The following NDNF variants were observed in gnomAD, a reference collection of about 807,000 sequenced individuals.
The protein encoded by NDNF is protein NDNF.
In NDNF, 16 loss-of-function variants were observed where a neutral mutation model predicts 42.0. The observed-to-expected ratio is 0.38, with a 90% confidence interval of 0.26 to 0.58. The LOEUF (loss-of-function observed/expected upper bound fraction) is 0.58. Ranked by LOEUF, NDNF falls within the 20% of genes least tolerant of loss-of-function variation. NDNF has a pLI of 0.67. For synonymous variants in NDNF, 248 were observed against 251.7 expected (o/e 0.99, Z 0.14); for missense variants, 616 against 666.2 (o/e 0.92, Z 0.83).
chr4:121,043,371 C>T (rs1213624956), intron 2 of NDNF, among the ~76,000 whole-genome samples: 5 of 152,112 alleles, frequency 3.3e-5, no homozygotes, highest in African/African-American at 1.2e-4. Flanking sequence ...TGTTTGTGTG[C>T]TTATCATTAC....
chr4:121,066,895 T>C (rs1235916950), intron 1 of NDNF, among the ~76,000 whole-genome samples: 1 of 152,212 alleles, frequency 6.6e-6, no homozygotes, highest in Non-Finnish European at 1.5e-5. Context: ...AAGAAGAGGG[T>C]GTTTACCTTG....
chr4:121,069,851 T>C (rs1248041280), intron 1 of NDNF, among the ~76,000 whole-genome samples: 1 of 152,194 alleles, frequency 6.6e-6, no homozygotes, highest in Non-Finnish European at 1.5e-5. Flanking sequence ...TTTAAACTCA[T>C]AAGAGTCACT....
intron 1 of NDNF, among the ~76,000 whole-genome samples, chr4:121,062,908 T>C (rs543470152): frequency 2.0e-5 from 3 of 152,272 alleles, no homozygotes; most frequent in African/African-American, 7.2e-5. Context: ...TTTTAAAAAA[T>C]TATAGACTGA....
intron 2 of NDNF, among the ~76,000 whole-genome samples, chr4:121,044,075 A>G (rs1727049160): frequency 6.6e-6 from 1 of 152,184 alleles, no homozygotes; most frequent in African/African-American, 2.4e-5. Flanking sequence ...GTCAGTTACT[A>G]GTCTAGTGTG....
intron 1 of NDNF, among the ~76,000 whole-genome samples, chr4:121,056,865 A>G (rs1304861958): frequency 6.6e-6 from 1 of 152,252 alleles, no homozygotes; most frequent in African/African-American, 2.4e-5. Context: ...GTTTCCATCA[A>G]AGAAATCTTT....
intron 1 of NDNF, among the ~76,000 whole-genome samples, chr4:121,062,215 G>T (rs540622176): frequency 6.6e-6 from 1 of 152,144 alleles, no homozygotes; most frequent in Admixed American, 6.5e-5. Context: ...CCAAGATGTC[G>T]ATTTTAAAAA....
intron 3 of NDNF, among the ~76,000 whole-genome samples, chr4:121,039,186 GTGTGTGTATA>G (rs1417481202): frequency 1.8e-4 from 3 of 16,392 alleles, no homozygotes; most frequent in African/African-American, 3.2e-4. Flanking sequence ...CTATGTGTGT[GTGTGTGTATA>G]TATATATATA....
intron 1 of NDNF, among the ~76,000 whole-genome samples, chr4:121,062,182 G>C (rs1727424464): frequency 6.6e-6 from 1 of 152,142 alleles, no homozygotes; most frequent in Non-Finnish European, 1.5e-5. Flanking sequence ...ATTAGAGACT[G>C]ATTAGAAGCA....
chr4:121,056,039 T>G (rs951442758), intron 1 of NDNF, among the ~76,000 whole-genome samples: 1 of 152,120 alleles, frequency 6.6e-6, no homozygotes, highest in Non-Finnish European at 1.5e-5. Context: ...ATATTACTAT[T>G]TGGTATATGT....
chr4:121,047,065 A>C (rs932861223), intron 1 of NDNF, among the ~76,000 whole-genome samples: 6 of 152,230 alleles, frequency 3.9e-5, no homozygotes, highest in Admixed American at 2.6e-4. Context: ...GATGAAGTGA[A>C]TGCCAGTTTT....
intron 1 of NDNF, among the ~76,000 whole-genome samples, chr4:121,068,170 C>G (rs748754295): frequency 2.6e-5 from 4 of 152,110 alleles, no homozygotes; most frequent in African/African-American, 4.8e-5. Context: ...ACAACAGCAG[C>G]AAAGTATTTA....
chr4:121,066,751 T>C (rs1232319338), intron 1 of NDNF, among the ~76,000 whole-genome samples: 2 of 152,226 alleles, frequency 1.3e-5, no homozygotes, highest in African/African-American at 4.8e-5. Context: ...TACATCTGTG[T>C]ATATAACAGC....
At position 121,068,927 on chromosome 4, in the gene NDNF, C is replaced by CAA. The variant is rs570232725; in HGVS notation, c.-2+3064_-2+3065dup. On this transcript the variant is annotated intron_variant, in intron 1 of 3. Transcript: ENST00000379692. ...AAATGATAAGTCCTAACGACGACAACAAAAACACATTCAGTTTTAAAGTAA... is the reference window on the plus strand; with the variant it reads ...AAATGATAAGTCCTAACGACGACAACAAAAAAACACATTCAGTTTTAAAGTAA... Among the ~76,000 whole-genome samples, 24 of 152,188 alleles carry CAA rather than the reference C, an allele frequency of 1.6e-4. No homozygotes were observed. The South Asian group carries it at 5.0e-3, about 32-fold the overall frequency.
At chr4:121,044,509 TTA>T (rs905645050) in intron 2 of NDNF, among the ~76,000 whole-genome samples, 15 of 149,390 alleles carry the variant, frequency 1.0e-4, no homozygotes, top group Admixed American at 3.4e-4. Flanking sequence ...TATTTTTATT[TTA>T]TATATATATA....
At chr4:121,045,923 T>C (rs946417532) in intron 1 of NDNF, 85 bp from the exon 2 acceptor site, 81 of 1,290,042 alleles carry the variant, frequency 6.3e-5, no homozygotes, top group Admixed American at 1.5e-4. Context: ...TTAACACTAT[T>C]TTAGCTTTGA....
intron 1 of NDNF, among the ~76,000 whole-genome samples, chr4:121,066,212 G>A (rs147226291): frequency 3.9e-5 from 6 of 152,192 alleles, no homozygotes; most frequent in South Asian, 2.1e-4. Flanking sequence ...CATAGCACCC[G>A]AAGAACTAAC....
chr4:121,060,741 G>T (rs1333794331), intron 1 of NDNF, among the ~76,000 whole-genome samples: 1 of 152,064 alleles, frequency 6.6e-6, no homozygotes, highest in African/African-American at 2.4e-5. Context: ...CATTCTGTGG[G>T]CCTAATCCCA....
intron 3 of NDNF, among the ~76,000 whole-genome samples, chr4:121,039,181 T>TAC: frequency 6.7e-3 from 36 of 5,386 alleles, no homozygotes; most frequent in Non-Finnish European, 0.019. Flanking sequence ...AAAGACTATG[T>TAC]GTGTGTGTGT....
intron 2 of NDNF, among the ~76,000 whole-genome samples, chr4:121,043,594 T>C (rs777747376): frequency 6.6e-6 from 1 of 152,152 alleles, no homozygotes; most frequent in African/African-American, 2.4e-5. Context: ...AATAAAAACA[T>C]GGCGCTTTAC....
Sources: gnomAD v4.1 joint callset for allele counts (sites outside exome capture counted in the v4.1 genomes callset) on GRCh38, gnomAD v4.1.1 for gene constraint, MANE v1.5 for transcripts, NCBI Gene and HGNC (gene_info 2026-07-23, HGNC 2026-07-21) for gene names.